CD34: variants seen among roughly 807,000 people sequenced by gnomAD.
The protein encoded by CD34 is hematopoietic progenitor cell antigen CD34.
A neutral mutation model predicts 40.1 loss-of-function variants in CD34; 34 were observed. The observed-to-expected ratio is 0.85, with a 90% CI of 0.65 to 1.13. CD34 has a LOEUF of 1.13. Ranked by LOEUF, CD34 falls within the 50% of genes most tolerant of loss-of-function variation. The pLI is 0.00. For missense variants in CD34, 426 were observed against 466.9 expected, an observed-to-expected ratio of 0.91 and a Z score of 0.81; for synonymous variants, 209 against 190.0, an observed-to-expected ratio of 1.10 and a Z score of -0.82.
Position 207,887,737 on chromosome 1 carries a change from G to C in CD34, c.*1C>G, listed in dbSNP as rs1034282458. On this transcript the variant is annotated 3_prime_UTR_variant, in exon 8 of 8. Transcript: ENST00000310833. ...GCCCAGCCTTGCCCCACCTAGCCGA[G>C]TCACAATTCGGTATCAGCCACCACG... 9 of 1,614,030 alleles carry C rather than the reference G, an allele frequency of 5.6e-6. No individual in the cohort carries two copies. In the African/African-American group the frequency reaches 1.2e-4, roughly 22 times the overall value.
In CD34 at chr1:207,897,528, C is replaced by T. The variant is rs775847452; in HGVS notation, c.562G>A (p.Gly188Ser). The change falls in exon 4 of 8, where the codon GGC becomes AGC. Residue 188 changes from glycine to serine, a missense_variant. Physicochemically the swap from Gly to Ser is moderately conservative, Grantham distance 56 (BLOSUM62 0). Coordinates refer to ENST00000310833, the MANE Select transcript of CD34 (RefSeq NM_001025109.2). ...GTCTTATTTTGCTCCAGGCAGATGC[C>T]CTGAGTCAATTTCACTTCTCTGATG... ...SGIREVKLTQ[G>S]ICLEQNKTSS... 15 of 1,559,460 alleles carry T rather than the reference C, an allele frequency of 9.6e-6. No individual in the cohort carries two copies. Among genetic ancestry groups the T allele is most frequent in the African/African-American group, 1.4e-5 (1 of 73,444 alleles).
chr1:207,893,280 G>A (rs1476288947), intron 4 of CD34, among the ~76,000 whole-genome samples: 1 of 152,156 alleles, frequency 6.6e-6, no homozygotes, highest in African/African-American at 2.4e-5. Flanking sequence ...AATGGGGACG[G>A]AGATGGGGGT....
At chr1:207,896,471 A>C (rs181031698) in intron 4 of CD34, among the ~76,000 whole-genome samples, 1,679 of 152,354 alleles carry the variant, frequency 0.011, 14 homozygotes, top group Non-Finnish European at 0.018. Flanking sequence ...GAAAGGAATC[A>C]ACTAAAAAGC....
intron 3 of CD34, 87 bp from the exon 4 acceptor site, chr1:207,897,660 G>T: frequency 9.0e-7 from 1 of 1,109,262 alleles, no homozygotes; most frequent in Non-Finnish European, 1.3e-6. Flanking sequence ...TTTCCAGTTT[G>T]CTTTCTGTGA....
At chr1:207,895,569 G>A (rs1486456521) in intron 4 of CD34, among the ~76,000 whole-genome samples, 2 of 152,182 alleles carry the variant, frequency 1.3e-5, no homozygotes, top group African/African-American at 4.8e-5. Context: ...CACGAAGTAG[G>A]CCAGACAGCA....
intron 4 of CD34, chr1:207,890,082 T>A (rs2102295996): frequency 1.6e-6 from 2 of 1,242,574 alleles, no homozygotes; most frequent in East Asian, 8.5e-5. Flanking sequence ...AGTGGAAACC[T>A]CAGTGGCCTC....
chr1:207,896,754 A>C (rs1159653315), intron 4 of CD34, among the ~76,000 whole-genome samples: 1 of 152,150 alleles, frequency 6.6e-6, no homozygotes, highest in Non-Finnish European at 1.5e-5. Flanking sequence ...TTTTTCAAAA[A>C]GAAAAAAATA....
chr1:207,896,141 T>C (rs968542905), intron 4 of CD34, among the ~76,000 whole-genome samples: 3 of 152,244 alleles, frequency 2.0e-5, no homozygotes, highest in Non-Finnish European at 4.4e-5. Flanking sequence ...CAGGCTGCGA[T>C]CTTTCCAGTC....
rs2102292100 is a variant in CD34, at chr1:207,884,628, G to A, written c.*3110C>T. Reference sequence around the variant, plus strand: ...TAATCTACCTAGAAGGGATGAGATGGAAGTGATCTATTTATCTGGACTTAG... The same window carrying A: ...TAATCTACCTAGAAGGGATGAGATGAAAGTGATCTATTTATCTGGACTTAG... On this transcript the variant is annotated 3_prime_UTR_variant, in exon 8 of 8. Transcript: ENST00000310833. The A allele has an allele frequency of 6.6e-6, 1 of 152,376 alleles. No individual in the cohort carries two copies. The highest frequency in any genetic ancestry group is 6.5e-5 in the Admixed American group (1 of 15,304). 9.4% of individuals were successfully genotyped at this position (152,376 alleles called of 1,614,324 possible).
At chr1:207,903,633 G>A (rs969761698) in intron 1 of CD34, among the ~76,000 whole-genome samples, 1 of 152,188 alleles carries the variant, frequency 6.6e-6, no homozygotes, top group Non-Finnish European at 1.5e-5. Flanking sequence ...TCTAAGAGAT[G>A]TCACAAAATT....
At chr1:207,888,030 G>A (rs1365059051) in intron 7 of CD34, 107 bp from the exon 8 acceptor site, 1 of 1,447,028 alleles carries the variant, frequency 6.9e-7, no homozygotes, top group East Asian at 2.4e-5. Flanking sequence ...GGAGAAGGGG[G>A]AGGGGGAGGT....
chr1:207,906,953 CCT>C (rs1662395087), intron 1 of CD34, among the ~76,000 whole-genome samples: 1 of 152,120 alleles, frequency 6.6e-6, no homozygotes. Flanking sequence ...TACATTTCTC[CCT>C]GTCACCTCTT....
At chr1:207,904,050 C>G (rs891745584) in intron 1 of CD34, among the ~76,000 whole-genome samples, 1 of 152,136 alleles carries the variant, frequency 6.6e-6, no homozygotes, top group Admixed American at 6.5e-5. Flanking sequence ...ATATTTCTAC[C>G]TGCCACTAGT....
At chr1:207,901,929 G>T (rs954993625) in intron 1 of CD34, among the ~76,000 whole-genome samples, 1 of 152,108 alleles carries the variant, frequency 6.6e-6, no homozygotes, top group Non-Finnish European at 1.5e-5. Context: ...ACTTTTCAGC[G>T]ATTTCCAGGT....
intron 1 of CD34, among the ~76,000 whole-genome samples, chr1:207,905,537 T>C (rs1348712985): frequency 6.6e-6 from 1 of 152,192 alleles, no homozygotes; most frequent in East Asian, 1.9e-4. Flanking sequence ...TCTCTGGCCC[T>C]TTATAGAAAA....
intron 3 of CD34, 69 bp from the exon 4 acceptor site, chr1:207,897,642 C>T: frequency 3.1e-6 from 4 of 1,285,046 alleles, no homozygotes; most frequent in Non-Finnish European, 4.4e-6. Flanking sequence ...TCATTTCTTT[C>T]CCAACTTTTT....
chr1:207,899,866 G>T lies in CD34; in HGVS notation c.217C>A (p.His73Asn), dbSNP rs1662238386. ...TPSTLGSTSL[H>N]PVSQHGNEAT... Reference sequence around the variant, plus strand: ...TCATTGCCATGTTGAGACACAGGGTGCAGGCTGGTACTTCCAAGGGTACTA... The same window carrying T: ...TCATTGCCATGTTGAGACACAGGGTTCAGGCTGGTACTTCCAAGGGTACTA... The change falls in exon 2 of 8, where the codon CAC (histidine) becomes AAC (asparagine). Residue 73 changes from histidine to asparagine, a missense_variant. Coordinates refer to ENST00000310833, the MANE Select transcript of CD34 (RefSeq NM_001025109.2). 1 of 1,613,566 alleles carries T rather than the reference G, an allele frequency of 6.2e-7. No individual in the cohort carries two copies. Among genetic ancestry groups the T allele is most frequent in the African/African-American group, 1.3e-5 (1 of 74,910 alleles).
At chr1:207,887,949 A>G (rs1370039532) in intron 7 of CD34, 26 bp from the exon 8 acceptor site, 2 of 1,396,534 alleles carry the variant, frequency 1.4e-6, no homozygotes, top group South Asian at 1.1e-5. Context: ...ATAAAGTAGC[A>G]TTATCTGGTA....
At chr1:207,888,624 A>C in intron 7 of CD34, 58 bp downstream of exon 7, 19 of 1,551,996 alleles carry the variant, frequency 1.2e-5, no homozygotes, top group Non-Finnish European at 1.5e-5. Flanking sequence ...ACATCCACTG[A>C]ACTCCCCAGA....
Sources: gnomAD v4.1 joint callset for allele counts (sites outside exome capture counted in the v4.1 genomes callset) on GRCh38, gnomAD v4.1.1 for gene constraint, MANE v1.5 for transcripts, NCBI Gene and HGNC (gene_info 2026-07-23, HGNC 2026-07-21) for gene names.